Variants in NR3C2 observed in about 807,000 individuals in gnomAD.
The protein encoded by NR3C2 is mineralocorticoid receptor.
A neutral mutation model predicts 86.4 loss-of-function variants in NR3C2; 15 were observed. That is an observed-to-expected ratio of 0.17 (90% CI 0.12 to 0.27). The LOEUF is 0.27. Among genes scored for constraint, NR3C2 ranks in the 10% least tolerant of loss-of-function variants. The probability of loss-of-function intolerance (pLI) is 1.00; values close to 1 mark genes in which losing one functional copy is unlikely to be tolerated. For synonymous variants in NR3C2, 458 were observed against 450.5 expected (o/e 1.02, Z -0.21); for missense variants, 960 against 1,195.6 (o/e 0.80, Z 2.91).
At chr4:148,282,106 T>C (rs983675721) in intron 2 of NR3C2, among the ~76,000 whole-genome samples, 2 of 152,196 alleles carry the variant, frequency 1.3e-5, no homozygotes, top group African/African-American at 4.8e-5. Flanking sequence ...CTCGGATCAC[T>C]ACAACCTCTG....
At chr4:148,104,340 TGG>T (rs1491099410) in intron 8 of NR3C2, among the ~76,000 whole-genome samples, 4 of 116,686 alleles carry the variant, frequency 3.4e-5, no homozygotes, top group African/African-American at 1.7e-4. Flanking sequence ...TGTTTTGGTT[TGG>T]TTTTTTTTTT....
chr4:148,340,942 T>C (rs1744718932), intron 2 of NR3C2, among the ~76,000 whole-genome samples: 1 of 151,880 alleles, frequency 6.6e-6, no homozygotes, highest in Non-Finnish European at 1.5e-5. Context: ...CCAGTTAAAA[T>C]GGCTTTTATC....
intron 2 of NR3C2, among the ~76,000 whole-genome samples, chr4:148,424,876 T>G (rs1036694289): frequency 6.6e-6 from 1 of 152,206 alleles, no homozygotes; most frequent in Non-Finnish European, 1.5e-5. Flanking sequence ...CATGTAGAAC[T>G]GAACACCAAA....
At chr4:148,387,700 T>C (rs1747339012) in intron 2 of NR3C2, among the ~76,000 whole-genome samples, 1 of 152,170 alleles carries the variant, frequency 6.6e-6, no homozygotes. Flanking sequence ...GTGTTAAAAA[T>C]GGTTGTATCC....
At chr4:148,285,650 T>G (rs1279426461) in intron 2 of NR3C2, among the ~76,000 whole-genome samples, 1 of 152,106 alleles carries the variant, frequency 6.6e-6, no homozygotes, top group Non-Finnish European at 1.5e-5. Context: ...GAGGTTGCAG[T>G]GAGCCAAAAT....
intron 2 of NR3C2, among the ~76,000 whole-genome samples, chr4:148,370,868 A>G (rs1746384641): frequency 6.6e-6 from 1 of 152,014 alleles, no homozygotes; most frequent in Non-Finnish European, 1.5e-5. Flanking sequence ...CCCCCCAATA[A>G]GAGATGGAAG....
At chr4:148,165,799 T>C (rs1734853708) in intron 4 of NR3C2, among the ~76,000 whole-genome samples, 1 of 152,242 alleles carries the variant, frequency 6.6e-6, no homozygotes, top group Admixed American at 6.5e-5. Context: ...TCTGTATTTC[T>C]GAGTATCTTC....
At chr4:148,354,229 TCTTC>T (rs1160240504) in intron 2 of NR3C2, among the ~76,000 whole-genome samples, 2 of 152,118 alleles carry the variant, frequency 1.3e-5, no homozygotes, top group Non-Finnish European at 2.9e-5. Flanking sequence ...GTATATTTCC[TCTTC>T]CTTATGATTT....
At chr4:148,189,500 C>G (rs1295387125) in intron 4 of NR3C2, among the ~76,000 whole-genome samples, 1 of 152,026 alleles carries the variant, frequency 6.6e-6, no homozygotes, top group Non-Finnish European at 1.5e-5. Flanking sequence ...CTGTAGTTTT[C>G]TTTTTTTGGT....
At chr4:148,143,820 G>T (rs989603632) in intron 6 of NR3C2, among the ~76,000 whole-genome samples, 1 of 152,028 alleles carries the variant, frequency 6.6e-6, no homozygotes, top group Non-Finnish European at 1.5e-5. Flanking sequence ...GGTGGCACAT[G>T]CCTGTAGTCC....
intron 2 of NR3C2, among the ~76,000 whole-genome samples, chr4:148,330,279 C>A (rs373825831): frequency 6.6e-6 from 1 of 152,178 alleles, no homozygotes; most frequent in Non-Finnish European, 1.5e-5. Context: ...ACAAACCACA[C>A]AAGTTGAGGT....
At chr4:148,099,785 A>T (rs1246419939) in intron 8 of NR3C2, among the ~76,000 whole-genome samples, 1 of 152,208 alleles carries the variant, frequency 6.6e-6, no homozygotes, top group African/African-American at 2.4e-5. Flanking sequence ...AATCTCCCCT[A>T]GATATATTTC....
In NR3C2 at chr4:148,081,252, C is replaced by A; in HGVS notation, c.*92G>T. ...AACTGTTGAACAAGTGTGAATCAACCATCACATGTTAAAAACAGGTTTTCT... is the reference window on the plus strand; with the variant it reads ...AACTGTTGAACAAGTGTGAATCAACAATCACATGTTAAAAACAGGTTTTCT... On this transcript the variant is annotated 3_prime_UTR_variant, in exon 9 of 9. Coordinates refer to ENST00000358102, the MANE Select transcript of NR3C2 (RefSeq NM_000901.5). 1.4e-6 allele frequency: 2 copies of A among 1,476,558 alleles called. No homozygotes were observed. The highest frequency in any genetic ancestry group is 2.3e-5 in the East Asian group (1 of 43,986). The allele number at this position is 1,476,558 out of a possible 1,614,324, so 91.5% of individuals were successfully genotyped here.
chr4:148,339,895 T>C (rs926609984), intron 2 of NR3C2, among the ~76,000 whole-genome samples: 3 of 152,122 alleles, frequency 2.0e-5, no homozygotes, highest in South Asian at 2.1e-4. Context: ...GTAGCACTTA[T>C]ATAAGCCAAC....
intron 2 of NR3C2, among the ~76,000 whole-genome samples, chr4:148,389,684 C>T (rs1437679033): frequency 6.6e-6 from 1 of 151,966 alleles, no homozygotes; most frequent in Non-Finnish European, 1.5e-5. Flanking sequence ...CCAAAAAGCA[C>T]TTTTTTTGAC....
At chr4:148,420,991 A>G (rs988427262) in intron 2 of NR3C2, among the ~76,000 whole-genome samples, 1 of 152,152 alleles carries the variant, frequency 6.6e-6, no homozygotes, top group Admixed American at 6.5e-5. Context: ...TTTATAGATT[A>G]CCTAGTTTCA....
intron 2 of NR3C2, among the ~76,000 whole-genome samples, chr4:148,325,030 A>G (rs1284378340): frequency 1.3e-5 from 2 of 152,206 alleles, no homozygotes; most frequent in East Asian, 3.8e-4. Flanking sequence ...TCGTATAACC[A>G]TAAATTTATC....
intron 6 of NR3C2, among the ~76,000 whole-genome samples, chr4:148,128,900 C>T (rs1304620105): frequency 3.3e-5 from 5 of 152,232 alleles, no homozygotes; most frequent in Non-Finnish European, 7.3e-5. Flanking sequence ...AAAACTGCAT[C>T]TTTGCAAGAT....
intron 2 of NR3C2, among the ~76,000 whole-genome samples, chr4:148,392,874 T>C (rs566946077): frequency 1.3e-5 from 2 of 152,304 alleles, no homozygotes; most frequent in Non-Finnish European, 2.9e-5. Context: ...TACACCTCCA[T>C]AGTATCTTTC....
Sources: gnomAD v4.1 joint callset for allele counts (sites outside exome capture counted in the v4.1 genomes callset) on GRCh38, gnomAD v4.1.1 for gene constraint, MANE v1.5 for transcripts, NCBI Gene and HGNC (gene_info 2026-07-23, HGNC 2026-07-21) for gene names.